GRID2: variants seen among roughly 807,000 people sequenced by gnomAD.
The protein encoded by GRID2 is glutamate receptor ionotropic, delta-2.
In GRID2, 33 loss-of-function variants were observed where a neutral mutation model predicts 114.8. The ratio of observed to expected loss-of-function variants is 0.29; its 90% CI spans 0.22 to 0.38. The LOEUF is 0.38. GRID2 is among the 10% of genes least tolerant of loss of function. The pLI is 1.00. For synonymous variants in GRID2, 505 were observed against 449.9 expected (o/e 1.12, Z -1.55); for missense variants, 1,184 against 1,257.7 (o/e 0.94, Z 0.89).
chr4:92,342,133 T>C (rs1002706375), intron 1 of GRID2, among the ~76,000 whole-genome samples: 2 of 152,098 alleles, frequency 1.3e-5, no homozygotes, highest in African/African-American at 2.4e-5. Flanking sequence ...TTACAATCTA[T>C]TTGGGGAGAC....
intron 2 of GRID2, among the ~76,000 whole-genome samples, chr4:92,853,372 A>T (rs1177308035): frequency 6.6e-6 from 1 of 152,048 alleles, no homozygotes; most frequent in Non-Finnish European, 1.5e-5. Flanking sequence ...AATTAATGAG[A>T]GGTATTTCCT....
intron 1 of GRID2, among the ~76,000 whole-genome samples, chr4:92,557,436 C>T (rs12508375): frequency 0.15 from 23,385 of 151,082 alleles, 1,836 homozygotes; most frequent in Middle Eastern, 0.27. Context: ...GAAAATTATG[C>T]ATGGATCTAC....
intron 8 of GRID2, among the ~76,000 whole-genome samples, chr4:93,279,634 G>A (rs981450217): frequency 2.0e-5 from 3 of 151,688 alleles, no homozygotes; most frequent in Admixed American, 6.6e-5. Context: ...TAGATATTTC[G>A]ACTCCTAAGA....
rs142818859 is a variant in GRID2 at position 93,548,039 on chromosome 4, C to T, written c.2193+32628C>T. Among the ~76,000 whole-genome samples the T allele has an allele frequency of 7.0e-3, 1,060 of 151,900 alleles. 3 individuals are homozygous for T. The highest frequency in any genetic ancestry group is 0.011 in the Non-Finnish European group (781 of 67,942). On this transcript the variant is annotated intron_variant, in intron 13 of 15. Transcript: ENST00000282020. The stretch of plus-strand genomic sequence containing the variant: ...TAAAAATACAAAAATTAGCTGGGCA[C>T]GGTGGTGCGCACCTGTAATCCCAGC...
intron 8 of GRID2, among the ~76,000 whole-genome samples, chr4:93,342,889 C>G (rs1278074133): frequency 1.3e-5 from 2 of 152,064 alleles, no homozygotes; most frequent in Non-Finnish European, 2.9e-5. Flanking sequence ...ATAATTTATG[C>G]ATCAAGAAAA....
chr4:92,305,104 T>C (rs528880164), intron 1 of GRID2, among the ~76,000 whole-genome samples: 1 of 152,230 alleles, frequency 6.6e-6, no homozygotes, highest in East Asian at 1.9e-4. Context: ...CGGATGTACA[T>C]TTGCTCCATT....
intron 1 of GRID2, among the ~76,000 whole-genome samples, chr4:92,428,867 CA>C (rs1447916927): frequency 2.6e-5 from 4 of 152,042 alleles, no homozygotes; most frequent in Admixed American, 1.3e-4. Context: ...GTTCCACAAA[CA>C]TTTTTTTTAA....
intron 2 of GRID2, among the ~76,000 whole-genome samples, chr4:92,951,708 G>C (rs1752054585): frequency 1.3e-5 from 2 of 152,044 alleles, no homozygotes; most frequent in Admixed American, 1.3e-4. Context: ...CATTAGTTTT[G>C]CACCAAACTG....
chr4:92,349,645 G>C (rs1305214226), intron 1 of GRID2, among the ~76,000 whole-genome samples: 1 of 151,396 alleles, frequency 6.6e-6, no homozygotes, highest in African/African-American at 2.4e-5. Context: ...ATTATTTTGA[G>C]AAATTTATCA....
chr4:92,893,502 C>T (rs1430779514), intron 2 of GRID2, among the ~76,000 whole-genome samples: 3 of 152,084 alleles, frequency 2.0e-5, no homozygotes, highest in African/African-American at 7.2e-5. Flanking sequence ...CTTCTCTGAG[C>T]CTGTGTTCTC....
intron 4 of GRID2, among the ~76,000 whole-genome samples, chr4:93,143,316 T>C (rs139655445): frequency 3.0e-4 from 46 of 152,222 alleles, no homozygotes; most frequent in Non-Finnish European, 5.9e-4. Flanking sequence ...ATGTTCCTTG[T>C]TAATTATTTC....
At chr4:93,314,553 G>A (rs1276720187) in intron 8 of GRID2, among the ~76,000 whole-genome samples, 1 of 151,932 alleles carries the variant, frequency 6.6e-6, no homozygotes, top group African/African-American at 2.4e-5. Flanking sequence ...AAAATAGCCT[G>A]GCTAACTCTG....
intron 2 of GRID2, among the ~76,000 whole-genome samples, chr4:92,990,030 C>T (rs1754768795): frequency 6.6e-6 from 1 of 152,012 alleles, no homozygotes; most frequent in Non-Finnish European, 1.5e-5. Flanking sequence ...ACTTGTCTGG[C>T]TTTGGAAAAT....
chr4:93,105,031 T>A (rs113180684), intron 3 of GRID2, among the ~76,000 whole-genome samples: 2,655 of 152,036 alleles, frequency 0.017, 80 homozygotes, highest in African/African-American at 0.06. Context: ...CTCATTGTGG[T>A]TTTGATTTGC....
At chr4:93,779,441 T>C (rs552148199), downstream of GRID2, among the ~76,000 whole-genome samples, 34 of 152,252 alleles carry the variant, frequency 2.2e-4, no homozygotes, top group African/African-American at 7.9e-4. Context: ...TCTCATTTCC[T>C]CATGGTGGCC....
At chr4:93,083,926 C>T (rs770248953) in intron 2 of GRID2, among the ~76,000 whole-genome samples, 28 of 151,948 alleles carry the variant, frequency 1.8e-4, no homozygotes, top group Middle Eastern at 3.2e-3. Context: ...AATCAGCCTT[C>T]ATTAACTGGC....
Position 93,689,159 on chromosome 4 carries a change from A to C in GRID2, c.2360+62724A>C, listed in dbSNP as rs1199594034. ...AAGGAAGGAGAGAGGTTTCAGGAGA[A>C]ACCAACCCTGCTGACACCTTGATCT... On this transcript the variant is annotated intron_variant, in intron 14 of 15. Transcript: ENST00000282020. Among the ~76,000 whole-genome samples the C allele has an allele frequency of 2.0e-5, 3 of 152,056 alleles. No individual in the cohort carries two copies. The East Asian group carries it at 5.8e-4, about 29-fold the overall frequency.
chr4:93,154,237 T>C (rs1450766374), intron 4 of GRID2, among the ~76,000 whole-genome samples: 1 of 152,076 alleles, frequency 6.6e-6, no homozygotes, highest in African/African-American at 2.4e-5. Flanking sequence ...TGTTAAAGTA[T>C]TGAAATATTA....
At chr4:92,968,654 G>A (rs989902141) in intron 2 of GRID2, among the ~76,000 whole-genome samples, 2 of 151,788 alleles carry the variant, frequency 1.3e-5, no homozygotes, top group Non-Finnish European at 2.9e-5. Context: ...TCACATAGTT[G>A]TACAAACATT....
Sources: allele counts gnomAD v4.1 joint callset (sites outside exome capture counted in the v4.1 genomes callset), GRCh38; gene constraint gnomAD v4.1.1; transcripts MANE v1.5; gene names NCBI Gene and HGNC (gene_info 2026-07-23, HGNC 2026-07-21).